The following ENAH variants were observed in gnomAD, a reference collection of about 807,000 sequenced individuals.
ENAH encodes the protein protein enabled homolog.
Under a neutral mutation model 78.7 loss-of-function variants are expected in ENAH, and 23 were observed. The ratio of observed to expected loss-of-function variants is 0.29; its 90% CI spans 0.21 to 0.41. The LOEUF (loss-of-function observed/expected upper bound fraction) is 0.41, where lower values mean the gene tolerates loss of function less well. ENAH is among the 10% of genes least tolerant of loss of function. The probability of loss-of-function intolerance (pLI) is 1.00; values close to 1 mark genes in which losing one functional copy is unlikely to be tolerated. For missense variants in ENAH, 544 were observed against 691.0 expected, an observed-to-expected ratio of 0.79 and a Z score of 2.39; for synonymous variants, 226 against 241.0, an observed-to-expected ratio of 0.94 and a Z score of 0.58.
intron 3 of ENAH, among the ~76,000 whole-genome samples, chr1:225,541,525 T>G (rs1192852382): frequency 6.6e-6 from 1 of 152,192 alleles, no homozygotes; most frequent in Non-Finnish European, 1.5e-5. Context: ...TTGTACCCTT[T>G]AAATGGGTAA....
Position 225,496,307 on chromosome 1 carries a change from A to G in ENAH, c.*1468T>C, listed in dbSNP as rs2096249672. 6.6e-6 allele frequency: 1 copy of G among 152,222 alleles called. No individual in the cohort carries two copies. The highest frequency in any genetic ancestry group is 1.5e-5 in the Non-Finnish European group (1 of 68,044). The allele number at this position is 152,222 out of a possible 1,614,324, so 9.4% of individuals were successfully genotyped here. On this transcript the variant is annotated 3_prime_UTR_variant, in exon 14 of 14. Coordinates refer to ENST00000366843, the MANE Select transcript of ENAH (RefSeq NM_018212.6). ...AGCACACACACGCAGAGTGGCAGGC[A>G]GAGTGTCTAATTCCTTCTTCCCACC...
chr1:225,514,452 C>T (rs1575356760), intron 7 of ENAH, 144 bp downstream of exon 7: 2 of 758,294 alleles, frequency 2.6e-6, no homozygotes, highest in African/African-American at 3.5e-5. Context: ...CAGGTATGAG[C>T]CATTGCGCCA....
intron 1 of ENAH, among the ~76,000 whole-genome samples, chr1:225,613,257 T>C (rs1382887130): frequency 6.6e-6 from 1 of 152,164 alleles, no homozygotes; most frequent in African/African-American, 2.4e-5. Flanking sequence ...CCAACCAAGT[T>C]AGGCCTTGCC....
At chr1:225,543,416 A>AT (rs2096598822) in intron 3 of ENAH, among the ~76,000 whole-genome samples, 1 of 152,242 alleles carries the variant, frequency 6.6e-6, no homozygotes, top group African/African-American at 2.4e-5. Context: ...TACTCTTGAA[A>AT]TTTTCCAGAA....
intron 9 of ENAH, 142 bp downstream of exon 9, chr1:225,512,515 C>G: frequency 1.3e-6 from 1 of 767,716 alleles, no homozygotes; most frequent in East Asian, 2.8e-5. Flanking sequence ...AAACAAGCCA[C>G]TTCACATGCA....
At chr1:225,603,373 C>T (rs2096939903) in intron 1 of ENAH, among the ~76,000 whole-genome samples, 1 of 151,914 alleles carries the variant, frequency 6.6e-6, no homozygotes, top group South Asian at 2.1e-4. Flanking sequence ...AAGAATAACC[C>T]CTGAAATAAA....
intron 1 of ENAH, among the ~76,000 whole-genome samples, chr1:225,573,817 A>G (rs1230122986): frequency 2.6e-5 from 4 of 152,206 alleles, no homozygotes; most frequent in Non-Finnish European, 5.9e-5. Flanking sequence ...ATGTACCACC[A>G]CTGAAAGTCA....
intron 3 of ENAH, among the ~76,000 whole-genome samples, chr1:225,534,807 A>G (rs1056452442): frequency 2.0e-5 from 3 of 152,164 alleles, no homozygotes; most frequent in Non-Finnish European, 4.4e-5. Context: ...ATATGTATCT[A>G]TCTGTGTTTA....
intron 1 of ENAH, among the ~76,000 whole-genome samples, chr1:225,615,584 G>C (rs1256341071): frequency 6.6e-6 from 1 of 151,132 alleles, no homozygotes; most frequent in African/African-American, 2.4e-5. Context: ...CTGCCAGCCC[G>C]TCTGGGAAGT....
intron 1 of ENAH, among the ~76,000 whole-genome samples, chr1:225,628,253 C>T (rs1658311141): frequency 6.6e-6 from 1 of 152,192 alleles, no homozygotes; most frequent in African/African-American, 2.4e-5. Context: ...AAAACTGGTA[C>T]AACACTTTTG....
intron 11 of ENAH, 144 bp from the exon 12 acceptor site, chr1:225,501,214 G>T: frequency 1.7e-6 from 1 of 581,686 alleles, no homozygotes; most frequent in Non-Finnish European, 3.0e-6. Flanking sequence ...TATCAAAATT[G>T]TAGGGCTGAT....
chr1:225,493,188 G>A lies in ENAH; in HGVS notation c.*4587C>T, dbSNP rs1355715913. On this transcript the variant is annotated 3_prime_UTR_variant, in exon 14 of 14. Coordinates refer to ENST00000366843, the MANE Select transcript of ENAH (RefSeq NM_018212.6). ...AAATTATCGAGAGATAACATAAAGG[G>A]GAACACACCAAATAATCCACAGCTT... 6.6e-6 allele frequency: 1 copy of A among 152,050 alleles called. No homozygotes were observed. Among genetic ancestry groups the A allele is most frequent in the African/African-American group, 2.4e-5 (1 of 41,390 alleles). The allele number at this position is 152,050 out of a possible 1,614,324, so 9.4% of individuals were successfully genotyped here. A position where few individuals can be genotyped will look rare whatever the true frequency, so the allele number is the denominator to read the frequency against.
intron 1 of ENAH, among the ~76,000 whole-genome samples, chr1:225,591,734 C>T (rs550216270): frequency 7.0e-4 from 95 of 135,848 alleles, no homozygotes; most frequent in African/African-American, 2.5e-3. Flanking sequence ...CACTGCACTC[C>T]AGCCTGGGCG....
chr1:225,580,536 T>G (rs1398054279), intron 1 of ENAH, among the ~76,000 whole-genome samples: 3 of 152,160 alleles, frequency 2.0e-5, no homozygotes, highest in African/African-American at 7.2e-5. Flanking sequence ...CGTGACGTTT[T>G]AAGCCACTAA....
intron 1 of ENAH, among the ~76,000 whole-genome samples, chr1:225,621,765 A>G (rs1025165576): frequency 2.6e-5 from 4 of 152,142 alleles, no homozygotes; most frequent in Non-Finnish European, 4.4e-5. Flanking sequence ...AGTCACTCCT[A>G]AATTTACCAT....
At chr1:225,529,236 T>A (rs1304617875) in intron 4 of ENAH, among the ~76,000 whole-genome samples, 2 of 152,216 alleles carry the variant, frequency 1.3e-5, no homozygotes, top group Non-Finnish European at 2.9e-5. Flanking sequence ...AGGTCCTGCA[T>A]GATCTGACCT....
chr1:225,648,556 G>T (rs376748114), intron 1 of ENAH, among the ~76,000 whole-genome samples: 1 of 152,134 alleles, frequency 6.6e-6, no homozygotes, highest in African/African-American at 2.4e-5. Context: ...TATTCACTTA[G>T]TAAATTCCTA....
Position 225,519,046 on chromosome 1 carries a change from A to G in ENAH, c.802+152T>C, listed in dbSNP as rs978528146. On this transcript the variant is annotated intron_variant, in intron 5 of 13. Coordinates refer to ENST00000366843, the MANE Select transcript of ENAH (RefSeq NM_018212.6). Reference sequence around the variant, plus strand: ...CAGAGAGAAATAAAAAGAAAATGTTAAAGTAGTAATTGCTGCATATTTATT... The same window carrying G: ...CAGAGAGAAATAAAAAGAAAATGTTGAAGTAGTAATTGCTGCATATTTATT... 4 of 1,198,868 alleles carry G rather than the reference A, an allele frequency of 3.3e-6. No homozygotes were observed. The African/African-American group carries it at 4.6e-5, about 14-fold the overall frequency. 74.3% of individuals were successfully genotyped at this position (1,198,868 alleles called of 1,614,324 possible).
chr1:225,531,384 G>C (rs888358221), intron 3 of ENAH, among the ~76,000 whole-genome samples: 1 of 151,890 alleles, frequency 6.6e-6, no homozygotes, highest in African/African-American at 2.4e-5. Flanking sequence ...CCTGTTTTTT[G>C]CATCTTAGAT....
Sources: gnomAD v4.1 joint callset for allele counts (sites outside exome capture counted in the v4.1 genomes callset) on GRCh38, gnomAD v4.1.1 for gene constraint, MANE v1.5 for transcripts, NCBI Gene and HGNC (gene_info 2026-07-23, HGNC 2026-07-21) for gene names.